Variants in ITPR1 observed in about 807,000 individuals in gnomAD.
The protein encoded by ITPR1 is inositol 1,4,5-trisphosphate receptor type 1.
In ITPR1, 96 loss-of-function variants were observed where a neutral mutation model predicts 318.4. The ratio of observed to expected loss-of-function variants is 0.30; its 90% CI spans 0.26 to 0.36. The LOEUF (loss-of-function observed/expected upper bound fraction) is 0.36. Ranked by LOEUF, ITPR1 falls within the 10% of genes least tolerant of loss-of-function variation. The pLI is 1.00. For missense variants in ITPR1, 2,440 were observed against 3,460.2 expected (o/e 0.71, Z 7.40); for synonymous variants, 1,312 against 1,289.9 (o/e 1.02, Z -0.37).
chr3:4,544,312 G>A (rs2084754457), intron 4 of ITPR1, among the ~76,000 whole-genome samples: 1 of 152,170 alleles, frequency 6.6e-6, no homozygotes. Flanking sequence ...AGTTTTTAGT[G>A]TCTTGGTGAT....
chr3:4,595,553 C>G (rs2090742222), intron 4 of ITPR1, among the ~76,000 whole-genome samples: 1 of 152,184 alleles, frequency 6.6e-6, no homozygotes. Context: ...TATATCAAAA[C>G]TCTTAGACTC....
chr3:4,574,023 A>G (rs2088326361), intron 4 of ITPR1, among the ~76,000 whole-genome samples: 1 of 152,230 alleles, frequency 6.6e-6, no homozygotes. Flanking sequence ...GTGTTTAAGC[A>G]GCTTTGGCCA....
At chr3:4,591,794 T>G (rs116238352) in intron 4 of ITPR1, among the ~76,000 whole-genome samples, 12,730 of 152,244 alleles carry the variant, frequency 0.084, 621 homozygotes, top group Middle Eastern at 0.12. Context: ...GATCCTGGCT[T>G]GGATTTGGAG....
intron 46 of ITPR1, among the ~76,000 whole-genome samples, chr3:4,769,396 C>G (rs969191343): frequency 4.6e-5 from 7 of 152,076 alleles, no homozygotes; most frequent in African/African-American, 1.7e-4. Flanking sequence ...TCTAGGCACT[C>G]AGGTAAAAAT....
intron 40 of ITPR1, among the ~76,000 whole-genome samples, chr3:4,717,932 G>T (rs912771637): frequency 6.6e-6 from 1 of 152,134 alleles, no homozygotes; most frequent in Non-Finnish European, 1.5e-5. Flanking sequence ...CTTTCCATCC[G>T]CAGGCTCACC....
At chr3:4,611,253 A>AAAC (rs2092099512) in intron 4 of ITPR1, among the ~76,000 whole-genome samples, 1 of 147,682 alleles carries the variant, frequency 6.8e-6, no homozygotes, top group Non-Finnish European at 1.5e-5. Context: ...CAAAAAAAAA[A>AAAC]CTATATATGT....
intron 4 of ITPR1, among the ~76,000 whole-genome samples, chr3:4,609,001 TAA>T (rs56738231): frequency 0.13 from 6,849 of 53,388 alleles, 459 homozygotes; most frequent in African/African-American, 0.25. Flanking sequence ...ACTCCGTCTT[TAA>T]AAAAAAAAAA....
intron 5 of ITPR1, among the ~76,000 whole-genome samples, chr3:4,628,783 C>G (rs2092922454): frequency 6.6e-6 from 1 of 152,168 alleles, no homozygotes; most frequent in Admixed American, 6.5e-5. Context: ...ACCAGGCACT[C>G]CCATCAAATA....
At chr3:4,632,514 G>C (rs2093045471) in intron 5 of ITPR1, among the ~76,000 whole-genome samples, 1 of 152,198 alleles carries the variant, frequency 6.6e-6, no homozygotes. Context: ...TGGGCTGAGA[G>C]CTGCTGCCAC....
chr3:4,676,899 A>G, intron 24 of ITPR1, 98 bp downstream of exon 24: 1 of 906,336 alleles, frequency 1.1e-6, no homozygotes, highest in Non-Finnish European at 1.7e-6. Flanking sequence ...CTTTCTGGGA[A>G]GAAAATGGGG....
At chr3:4,548,289 T>A (rs1389492153) in intron 4 of ITPR1, among the ~76,000 whole-genome samples, 1 of 152,132 alleles carries the variant, frequency 6.6e-6, no homozygotes, top group Admixed American at 6.5e-5. Flanking sequence ...AAACATCAAG[T>A]TTGGGTTGGT....
intron 4 of ITPR1, among the ~76,000 whole-genome samples, chr3:4,546,893 G>A (rs749534113): frequency 3.1e-5 from 3 of 96,616 alleles, no homozygotes; most frequent in Non-Finnish European, 6.9e-5. Context: ...GAAGAGAGGG[G>A]CCACTGAAGG....
chr3:4,735,546 G>A, intron 44 of ITPR1, 192 bp downstream of exon 44: 1 of 568,458 alleles, frequency 1.8e-6, no homozygotes, highest in Non-Finnish European at 3.1e-6. Context: ...ATCAGACTTG[G>A]TTCCAGAACA....
intron 4 of ITPR1, among the ~76,000 whole-genome samples, chr3:4,547,313 T>C (rs1158604348): frequency 1.3e-5 from 2 of 152,262 alleles, no homozygotes; most frequent in Non-Finnish European, 2.9e-5. Context: ...CATATGTATT[T>C]ATTAAAGCCA....
intron 23 of ITPR1, 72 bp from the exon 24 acceptor site, chr3:4,676,542 C>A: frequency 8.9e-7 from 1 of 1,129,376 alleles, no homozygotes; most frequent in Non-Finnish European, 1.3e-6. Context: ...CAAAGAGCCC[C>A]TGCCCCTTGA....
At chr3:4,804,024 G>A (rs1160783126) in intron 54 of ITPR1, among the ~76,000 whole-genome samples, 5 of 152,046 alleles carry the variant, frequency 3.3e-5, no homozygotes, top group African/African-American at 7.2e-5. Context: ...GGTGTGTGCC[G>A]CCATGCCTGG....
chr3:4,607,667 G>A (rs2091796208), intron 4 of ITPR1, among the ~76,000 whole-genome samples: 1 of 152,080 alleles, frequency 6.6e-6, no homozygotes, highest in East Asian at 1.9e-4. Context: ...GGCAATGGGT[G>A]CTTGCTGCTG....
At chr3:4,808,645 G>A (rs746844489) in intron 55 of ITPR1, among the ~76,000 whole-genome samples, 1 of 152,206 alleles carries the variant, frequency 6.6e-6, no homozygotes, top group African/African-American at 2.4e-5. Context: ...TATCAAAGCA[G>A]TACTCAATGT....
intron 4 of ITPR1, among the ~76,000 whole-genome samples, chr3:4,559,396 A>G (rs1337348572): frequency 5.3e-5 from 8 of 152,176 alleles, no homozygotes; most frequent in Non-Finnish European, 1.5e-5. Context: ...TAAAATTTTA[A>G]TGGTTAAAAA....
Sources: allele counts gnomAD v4.1 joint callset (sites outside exome capture counted in the v4.1 genomes callset), GRCh38; gene constraint gnomAD v4.1.1; transcripts MANE v1.5; gene names NCBI Gene and HGNC (gene_info 2026-07-23, HGNC 2026-07-21).